RIMS2: variants seen among roughly 807,000 people sequenced by gnomAD.
The protein encoded by RIMS2 is regulating synaptic membrane exocytosis protein 2.
In RIMS2, 59 loss-of-function variants were observed where a neutral mutation model predicts 174.4. The ratio of observed to expected loss-of-function variants is 0.34; its 90% CI spans 0.27 to 0.42. The LOEUF is 0.42. RIMS2 is among the 10% of genes least tolerant of loss of function. The pLI is 1.00. For missense variants in RIMS2, 1,620 were observed against 1,666.3 expected (o/e 0.97, Z 0.48); for synonymous variants, 606 against 572.5 (o/e 1.06, Z -0.84).
intron 1 of RIMS2, among the ~76,000 whole-genome samples, chr8:103,623,458 A>G (rs2095686406): frequency 6.8e-6 from 1 of 146,616 alleles, no homozygotes; most frequent in Non-Finnish European, 1.5e-5. Flanking sequence ...AGACATAAAA[A>G]TTAAACTAGG....
At chr8:104,255,813 T>C (rs2099366741), downstream of RIMS2, 2 of 152,244 alleles carry the variant, frequency 1.3e-5, no homozygotes, top group African/African-American at 4.8e-5. Context: ...ACCTCTGGAC[T>C]GTGAAATGTG....
At chr8:103,819,776 T>C in intron 3 of RIMS2, 1 of 577,624 alleles carries the variant, frequency 1.7e-6, no homozygotes, top group Non-Finnish European at 2.8e-6. Context: ...ATAGCATTCT[T>C]AATTTGATTT....
chr8:103,597,492 G>T (rs141040859), intron 1 of RIMS2, among the ~76,000 whole-genome samples: 1 of 152,228 alleles, frequency 6.6e-6, no homozygotes, highest in Non-Finnish European at 1.5e-5. Context: ...TTATTTTCCA[G>T]TCTCTGCTTC....
intron 19 of RIMS2, among the ~76,000 whole-genome samples, chr8:104,205,958 G>A (rs2099078157): frequency 6.6e-6 from 1 of 152,074 alleles, no homozygotes; most frequent in Non-Finnish European, 1.5e-5. Flanking sequence ...GTTTCACCAT[G>A]TTGGCCAGGT....
chr8:103,921,465 T>C (rs2077642124), intron 9 of RIMS2, among the ~76,000 whole-genome samples: 1 of 152,190 alleles, frequency 6.6e-6, no homozygotes, highest in Admixed American at 6.5e-5. Context: ...TGGTTCACTG[T>C]TAGTCTTAAG....
intron 2 of RIMS2, among the ~76,000 whole-genome samples, chr8:103,743,555 G>C (rs985332575): frequency 1.6e-5 from 1 of 64,052 alleles, no homozygotes; most frequent in Non-Finnish European, 2.9e-5. Flanking sequence ...CGTATAATTA[G>C]CATCTATATT....
chr8:104,025,571 G>C (rs2096236942), intron 19 of RIMS2, among the ~76,000 whole-genome samples: 1 of 152,064 alleles, frequency 6.6e-6, no homozygotes, highest in Non-Finnish European at 1.5e-5. Flanking sequence ...CTATATAAAT[G>C]TTAGTTATTA....
chr8:104,241,486 A>C (rs2511585), intron 19 of RIMS2, among the ~76,000 whole-genome samples: 1 of 152,004 alleles, frequency 6.6e-6, no homozygotes, highest in African/African-American at 2.4e-5. Flanking sequence ...CGCTTTAACT[A>C]TGATAGAGTC....
At chr8:103,984,186 GA>G (rs967043378) in intron 16 of RIMS2, among the ~76,000 whole-genome samples, 9 of 146,416 alleles carry the variant, frequency 6.1e-5, no homozygotes, top group South Asian at 2.2e-4. Context: ...AACAAAAAAG[GA>G]AAAAAAAAAG....
At chr8:103,688,511 G>A (rs1482825718) in intron 1 of RIMS2, among the ~76,000 whole-genome samples, 1 of 151,930 alleles carries the variant, frequency 6.6e-6, no homozygotes, top group African/African-American at 2.4e-5. Flanking sequence ...CTAGTATTTG[G>A]TTGCTAGTAT....
chr8:104,170,198 T>C (rs754319015), intron 19 of RIMS2, among the ~76,000 whole-genome samples: 1 of 152,190 alleles, frequency 6.6e-6, no homozygotes, highest in Non-Finnish European at 1.5e-5. Context: ...TATGGTTTAG[T>C]TTAAGTCCAT....
intron 2 of RIMS2, among the ~76,000 whole-genome samples, chr8:103,742,793 T>G (rs556195447): frequency 7.9e-5 from 12 of 152,272 alleles, no homozygotes; most frequent in African/African-American, 2.9e-4. Flanking sequence ...GGGCAGAATC[T>G]CTCAGGGGCT....
intron 19 of RIMS2, chr8:104,148,673 C>T: frequency 6.3e-7 from 1 of 1,598,132 alleles, no homozygotes; most frequent in East Asian, 2.2e-5. Context: ...CAAAAAGCAC[C>T]AGCATCAGTG....
chr8:104,182,984 C>T (rs1192029775), intron 19 of RIMS2, among the ~76,000 whole-genome samples: 1 of 151,572 alleles, frequency 6.6e-6, no homozygotes, highest in Non-Finnish European at 1.5e-5. Context: ...CACACTCTTC[C>T]TTTGAGATTT....
At chr8:104,132,477 AG>A (rs1325880288) in intron 19 of RIMS2, among the ~76,000 whole-genome samples, 2 of 152,214 alleles carry the variant, frequency 1.3e-5, no homozygotes, top group African/African-American at 4.8e-5. Flanking sequence ...AATATTTAAA[AG>A]CATGGAACTA....
intron 1 of RIMS2, among the ~76,000 whole-genome samples, chr8:103,675,893 T>C (rs1160657196): frequency 6.6e-6 from 1 of 152,186 alleles, no homozygotes; most frequent in Non-Finnish European, 1.5e-5. Context: ...CTATCAGTCT[T>C]ACAAATACCT....
At chr8:103,961,749 A>T (rs910046140) in intron 15 of RIMS2, among the ~76,000 whole-genome samples, 6 of 152,168 alleles carry the variant, frequency 3.9e-5, no homozygotes, top group African/African-American at 1.4e-4. Context: ...AAGGTTAAAT[A>T]ACCTAATAGA....
intron 19 of RIMS2, among the ~76,000 whole-genome samples, chr8:104,158,389 T>C (rs907901920): frequency 6.6e-6 from 1 of 152,048 alleles, no homozygotes; most frequent in African/African-American, 2.4e-5. Flanking sequence ...GTAGCATGAT[T>C]TATAATCCTT....
intron 14 of RIMS2, among the ~76,000 whole-genome samples, chr8:103,950,620 T>C (rs1214424925): frequency 6.6e-6 from 1 of 152,118 alleles, no homozygotes; most frequent in Non-Finnish European, 1.5e-5. Flanking sequence ...CAAAGTAGGA[T>C]AGAAAGGAAC....
Sources: allele counts gnomAD v4.1 joint callset (sites outside exome capture counted in the v4.1 genomes callset), GRCh38; gene constraint gnomAD v4.1.1; transcripts MANE v1.5; gene names NCBI Gene and HGNC (gene_info 2026-07-23, HGNC 2026-07-21).